The following DNAH8 variants were observed in gnomAD, a reference collection of about 807,000 sequenced individuals.
The protein encoded by DNAH8 is axonemal beta dynein heavy chain 8.
Under a neutral mutation model 562.1 loss-of-function variants are expected in DNAH8, and 382 were observed. The ratio of observed to expected loss-of-function variants is 0.68; its 90% CI spans 0.63 to 0.74. The LOEUF (loss-of-function observed/expected upper bound fraction) is 0.74. Among genes scored for constraint, DNAH8 ranks in the 30% least tolerant of loss-of-function variants. The pLI, the probability that DNAH8 is intolerant of heterozygous loss-of-function variation, is 0.00. For missense variants in DNAH8, 5,203 were observed against 5,620.4 expected (o/e 0.93, Z 2.37); for synonymous variants, 1,881 against 1,919.4 (o/e 0.98, Z 0.52).
At chr6:38,764,728 T>C (rs1197549866) in intron 11 of DNAH8, 1 of 152,048 alleles carries the variant, frequency 6.6e-6, no homozygotes, top group Non-Finnish European at 1.5e-5. Flanking sequence ...TGTATGCATT[T>C]AAAAACTAAA....
In DNAH8 at chr6:38,815,600, C is replaced by T. The variant is rs1239419536; in HGVS notation, c.3466C>T (p.Pro1156Ser). The T allele has an allele frequency of 1.9e-6, 3 of 1,613,840 alleles. No homozygotes were observed. The highest frequency in any genetic ancestry group is 3.3e-5 in the Admixed American group (2 of 59,986). Residue 1156 changes from proline (P) to serine (S), a missense_variant, in exon 26 of 93, where the codon CCC (proline) becomes TCC (serine). Coordinates refer to ENST00000327475, the MANE Select transcript of DNAH8 (RefSeq NM_001206927.2). Reference protein sequence around the residue: ...IRPIKSVIPSPTTTDVTHQNT... With the variant: ...IRPIKSVIPSSTTTDVTHQNT... ...TCCCATCAAGTCTGTCATTCCCAGC[C>T]CCACCACTACTGACGTGACCCATCA...
At chr6:38,784,581 A>T (rs1322359557) in intron 17 of DNAH8, among the ~76,000 whole-genome samples, 10 of 152,162 alleles carry the variant, frequency 6.6e-5, no homozygotes, top group Admixed American at 6.5e-4. Context: ...TTCCAAGGTT[A>T]CCCTCTATGT....
chr6:38,784,708 A>G (rs1245855806), intron 17 of DNAH8, among the ~76,000 whole-genome samples: 1 of 152,212 alleles, frequency 6.6e-6, no homozygotes, highest in Non-Finnish European at 1.5e-5. Context: ...TTTAATCCTA[A>G]CAGCAAACCT....
chr6:38,867,752 C>CAAAAAAAAAAAAAA (rs68060910), intron 47 of DNAH8, among the ~76,000 whole-genome samples: 1 of 88,802 alleles, frequency 1.1e-5, no homozygotes, highest in African/African-American at 4.4e-5. Context: ...GACTCCATCT[C>CAAAAAAAAAAAAAA]AAAAAAAAAA....
At chr6:38,827,331 A>C (rs1222459610) in intron 29 of DNAH8, among the ~76,000 whole-genome samples, 1 of 152,152 alleles carries the variant, frequency 6.6e-6, no homozygotes, top group African/African-American at 2.4e-5. Context: ...GGGGATCAGG[A>C]CTTGGATAGC....
intron 25 of DNAH8, among the ~76,000 whole-genome samples, chr6:38,814,955 A>C (rs530311757): frequency 3.9e-4 from 60 of 152,254 alleles, no homozygotes; most frequent in Admixed American, 9.8e-4. Context: ...GGGTCAAAGG[A>C]TAAGGCCAGG....
At chr6:38,888,049 G>T in intron 57 of DNAH8, among the ~76,000 whole-genome samples, 1 of 151,708 alleles carries the variant, frequency 6.6e-6, no homozygotes, top group South Asian at 2.1e-4. Flanking sequence ...ACATTGACAG[G>T]GTTGGTCTCG....
chr6:38,834,503 A>G lies in DNAH8; in HGVS notation c.4303-76A>G, dbSNP rs1341185445. Reference sequence around the variant, plus strand: ...AAAAATGCTTGTTTACTTAAATGGAAATAATAGATAAACCCAATAAACTGA... The same window carrying G: ...AAAAATGCTTGTTTACTTAAATGGAGATAATAGATAAACCCAATAAACTGA... On this transcript the variant is annotated intron_variant, in intron 31 of 92. Transcript: ENST00000327475. 6.0e-6 allele frequency: 6 copies of G among 993,206 alleles called. 1 individual carries two copies. The highest frequency in any genetic ancestry group is 9.0e-6 in the Non-Finnish European group (6 of 664,734). 61.5% of individuals were successfully genotyped at this position (993,206 alleles called of 1,614,324 possible).
At chr6:38,936,631 G>A (rs1354902914) in intron 77 of DNAH8, among the ~76,000 whole-genome samples, 1 of 152,106 alleles carries the variant, frequency 6.6e-6, no homozygotes, top group Non-Finnish European at 1.5e-5. Flanking sequence ...CACTGCTCCC[G>A]CTAGTGAAGT....
Position 38,789,790 on chromosome 6 carries a change from C to T in DNAH8, c.2584-13C>T, listed in dbSNP as rs778519901. The T allele has an allele frequency of 3.2e-6, 5 of 1,581,872 alleles. No homozygotes were observed. Among genetic ancestry groups the T allele is most frequent in the Admixed American group, 3.7e-5 (2 of 54,298 alleles). On this transcript the variant is annotated splice_polypyrimidine_tract_variant and intron_variant, in intron 18 of 92. Transcript: ENST00000327475. ...TGAATTAAAATAAAACATGCCATTTCAACTTCCTACAGGGTCTTCTGCAAT... is the reference window on the plus strand; with the variant it reads ...TGAATTAAAATAAAACATGCCATTTTAACTTCCTACAGGGTCTTCTGCAAT...
At chr6:38,885,151 T>C (rs74739617) in intron 56 of DNAH8, among the ~76,000 whole-genome samples, 1,742 of 152,304 alleles carry the variant, frequency 0.011, 31 homozygotes, top group African/African-American at 0.04. Context: ...AGGTTCATGC[T>C]TATCTTCCAT....
In DNAH8 at chr6:38,906,392, G is replaced by C. The variant is rs968838351; in HGVS notation, c.9333G>C (p.Leu3111Phe). The C allele has an allele frequency of 6.2e-7, 1 of 1,605,238 alleles. No homozygotes were observed. Among genetic ancestry groups the C allele is most frequent in the Non-Finnish European group, 8.5e-7 (1 of 1,176,312 alleles). The change falls in exon 63 of 93, where the codon TTG becomes TTC. Residue 3111 changes from leucine (L) to phenylalanine (F), a missense_variant. Physicochemically the swap from Leu to Phe is conservative, Grantham distance 22. This residue lies in a region of DNAH8 where 977 missense variants were observed against 1,061.8 expected (regional missense o/e 0.92). Coordinates refer to ENST00000327475, the MANE Select transcript of DNAH8 (RefSeq NM_001206927.2). ...DEAFLEYLNN[L>F]LSSGEISNLF... ...CATTTCTAGAATACCTTAACAACTT[G>C]CTATCTTCAGGGGAGGTAAGTCTCA...
At chr6:38,907,779 C>T (rs1460414779) in intron 63 of DNAH8, among the ~76,000 whole-genome samples, 177 bp from the exon 64 acceptor site, 1 of 152,004 alleles carries the variant, frequency 6.6e-6, no homozygotes, top group Non-Finnish European at 1.5e-5. Context: ...TTGAGCTGCT[C>T]AATAAAAAGT....
chr6:38,822,496 C>G lies in DNAH8; in HGVS notation c.3524-342C>G, dbSNP rs78869310. On this transcript the variant is annotated intron_variant, in intron 26 of 92. Coordinates refer to ENST00000327475, the MANE Select transcript of DNAH8 (RefSeq NM_001206927.2). ...ATAAATGTAATGTCTCTCCTTGAAC[C>G]ACTGCGCTATTCCTCAGGGTGGAAA... The G allele has an allele frequency of 4.6e-3, 800 of 174,182 alleles. 7 individuals carry two copies. The highest frequency in any genetic ancestry group is 0.018 in the African/African-American group (774 of 42,234). The allele number at this position is 174,182 out of a possible 1,614,324, so 10.8% of individuals were successfully genotyped here.
chr6:38,743,720 T>G (rs188276536), intron 8 of DNAH8, among the ~76,000 whole-genome samples: 1 of 152,250 alleles, frequency 6.6e-6, no homozygotes, highest in Non-Finnish European at 1.5e-5. Context: ...TTCCTTTTTA[T>G]GGCTGAATCA....
At chr6:38,726,308 G>A (rs1763213989) in intron 3 of DNAH8, among the ~76,000 whole-genome samples, 1 of 152,212 alleles carries the variant, frequency 6.6e-6, no homozygotes, top group African/African-American at 2.4e-5. Flanking sequence ...ATGTGGGGGG[G>A]AGATGGGCAT....
rs143981791 is a variant in DNAH8 at position 38,842,591 on chromosome 6, A to G, written c.4605-72A>G. ...AAGCTAATTTATTCCCTAATATAAT[A>G]GTGTATATACATAAAACCTTCCTCA... On this transcript the variant is annotated intron_variant, in intron 34 of 92. Transcript: ENST00000327475. The G allele has an allele frequency of 2.8e-4, 440 of 1,581,474 alleles. No homozygotes were observed. In the African/African-American group the frequency reaches 5.1e-3, roughly 18 times the overall value.
At chr6:38,949,665 CATTGAAA>C (rs1222378390) in intron 81 of DNAH8, 95 bp downstream of exon 81, 8 of 738,498 alleles carry the variant, frequency 1.1e-5, no homozygotes, top group African/African-American at 1.8e-5. Flanking sequence ...ATATCACTGT[CATTGAAA>C]GTAACGGCAA....
At chr6:38,970,821 G>C (rs1036951746) in intron 82 of DNAH8, among the ~76,000 whole-genome samples, 1 of 152,168 alleles carries the variant, frequency 6.6e-6, no homozygotes, top group African/African-American at 2.4e-5. Flanking sequence ...ATTTCCAATT[G>C]CAGTTGTGCA....
Sources: gnomAD v4.1 joint callset for allele counts (sites outside exome capture counted in the v4.1 genomes callset) on GRCh38, gnomAD v4.1.1 for gene constraint, gnomAD v4.1.1 regional missense constraint, MANE v1.5 for transcripts, NCBI Gene and HGNC (gene_info 2026-07-23, HGNC 2026-07-21) for gene names.